MAP4K5: variants seen among roughly 807,000 people sequenced by gnomAD.
MAP4K5 encodes mitogen-activated protein kinase kinase kinase kinase 5, also known as MAPK/ERK kinase kinase kinase 5.
In MAP4K5, 82 loss-of-function variants were observed where a neutral mutation model predicts 135.6. The observed-to-expected ratio is 0.60, with a 90% CI of 0.51 to 0.73. The LOEUF is 0.73. MAP4K5 is among the 30% of genes least tolerant of loss of function. The pLI, the probability that MAP4K5 is intolerant of heterozygous loss-of-function variation, is 0.00. For missense variants in MAP4K5, 907 were observed against 1,010.9 expected (o/e 0.90, Z 1.39); for synonymous variants, 347 against 335.0 (o/e 1.04, Z -0.39).
chr14:50,470,759 T>G (rs1172738019), intron 9 of MAP4K5, among the ~76,000 whole-genome samples: 4 of 152,060 alleles, frequency 2.6e-5, no homozygotes, highest in Admixed American at 6.6e-5. Context: ...CAACATATCA[T>G]GAGCCGTAGC....
chr14:50,434,706 TAAG>T (rs2036051013), intron 27 of MAP4K5, 135 bp from the exon 28 acceptor site: 1 of 819,550 alleles, frequency 1.2e-6, no homozygotes, highest in Non-Finnish European at 1.9e-6. Context: ...TCTAAGATGA[TAAG>T]AAGGATGAAT....
chr14:50,430,324 C>A (rs1475575844), intron 28 of MAP4K5, among the ~76,000 whole-genome samples: 1 of 152,162 alleles, frequency 6.6e-6, no homozygotes, highest in Admixed American at 6.5e-5. Flanking sequence ...AACTTGGTGA[C>A]CACTAATTTT....
chr14:50,421,284 G>C (rs1221867190), intron 32 of MAP4K5, among the ~76,000 whole-genome samples: 1 of 151,722 alleles, frequency 6.6e-6, no homozygotes. Context: ...TTTAGATGGA[G>C]TTTTGCTCTT....
intron 1 of MAP4K5, among the ~76,000 whole-genome samples, chr14:50,546,981 T>TCCCCTAGC (rs2038640962): frequency 6.6e-6 from 1 of 151,978 alleles, no homozygotes; most frequent in Admixed American, 6.6e-5. Flanking sequence ...ATGCTATCCC[T>TCCCCTAGC]CCCCTAGCCC....
intron 6 of MAP4K5, among the ~76,000 whole-genome samples, chr14:50,480,651 C>T (rs1314283508): frequency 2.6e-5 from 4 of 152,084 alleles, no homozygotes; most frequent in African/African-American, 9.7e-5. Context: ...TAAACTCATG[C>T]TCACATAACA....
chr14:50,449,559 C>T (rs1238175089), intron 14 of MAP4K5: 13 of 152,132 alleles, frequency 8.5e-5, no homozygotes, highest in East Asian at 7.7e-4. Context: ...TTTTAAAAAG[C>T]GCTTTCAAAT....
intron 1 of MAP4K5, among the ~76,000 whole-genome samples, chr14:50,547,769 AGTGTCC>A (rs2038652423): frequency 6.6e-6 from 1 of 152,208 alleles, no homozygotes; most frequent in Admixed American, 6.5e-5. Context: ...TAAGCTGGGA[AGTGTCC>A]GTGCTATGAT....
intron 11 of MAP4K5, among the ~76,000 whole-genome samples, chr14:50,465,819 T>G (rs1304106396): frequency 6.6e-6 from 1 of 152,202 alleles, no homozygotes; most frequent in African/African-American, 2.4e-5. Flanking sequence ...GGCTCATGCC[T>G]GTAATCTCAG....
chr14:50,449,151 T>A (rs1180667599), intron 14 of MAP4K5: 1 of 230,120 alleles, frequency 4.3e-6, no homozygotes, highest in Non-Finnish European at 8.4e-6. Flanking sequence ...ATTTTCTCTA[T>A]GCTGTAGACT....
At position 50,464,111 on chromosome 14, in the gene MAP4K5, C is replaced by T. The variant is rs752601440; in HGVS notation, c.760G>A (p.Val254Ile). 2 of 1,532,964 alleles carry T rather than the reference C, an allele frequency of 1.3e-6. No homozygotes were observed. The highest frequency in any genetic ancestry group is 1.8e-6 in the Non-Finnish European group (2 of 1,130,386). 95.0% of individuals were successfully genotyped at this position (1,532,964 alleles called of 1,614,324 possible). A position where few individuals can be genotyped will look rare whatever the true frequency, so the allele number is the denominator to read the frequency against. ...TKWSSTFHNF[V>I]KIALTKNPKK... is the part of the protein sequence containing the mutation. ...GGGTTTTTGGTTAGTGCTATTTTGA[C>T]AAAATTATGGAATGTTGATGACCTT... The change falls in exon 12 of 33, where the codon GTC becomes ATC. Residue 254 changes from valine to isoleucine, a missense_variant. Around this residue, in one of 3 missense-constraint regions of MAP4K5, gnomAD observed 690 missense variants for 777.4 expected, o/e 0.89. Transcript: ENST00000682126.
At chr14:50,448,612 A>G (rs1011993889) in intron 15 of MAP4K5, among the ~76,000 whole-genome samples, 162 bp downstream of exon 15, 4 of 152,144 alleles carry the variant, frequency 2.6e-5, no homozygotes, top group Middle Eastern at 3.2e-3. Flanking sequence ...TAGTAAAAAT[A>G]AAACTAACTA....
rs576566121 is a variant in MAP4K5, at chr14:50,547,076, A to T, written c.-179-4492T>A. ...CACATGGACACAGGGGGAGGGGGGAACTTTAAGGTTTTTACTTAGGTGAAC... is the reference window on the plus strand; with the variant it reads ...CACATGGACACAGGGGGAGGGGGGATCTTTAAGGTTTTTACTTAGGTGAAC... On this transcript the variant is annotated intron_variant, in intron 1 of 8. Transcript: ENST00000555216. Among the ~76,000 whole-genome samples the T allele has an allele frequency of 2.0e-5, 3 of 152,238 alleles. No individual in the cohort carries two copies. In the South Asian group the frequency reaches 6.2e-4, roughly 32 times the overall value.
intron 21 of MAP4K5, among the ~76,000 whole-genome samples, chr14:50,441,322 A>G (rs1288285079): frequency 6.6e-6 from 1 of 152,158 alleles, no homozygotes; most frequent in Non-Finnish European, 1.5e-5. Context: ...ACACTGCTTT[A>G]ACCAACAGAT....
Position 50,419,837 on chromosome 14 carries a change from A to C in MAP4K5, c.*182T>G. On this transcript the variant is annotated 3_prime_UTR_variant, in exon 33 of 33. Coordinates refer to ENST00000682126, the MANE Select transcript of MAP4K5 (RefSeq NM_006575.6). Reference sequence around the variant, plus strand: ...TTGATATAACCACCACACAGTGGCAAGAGATAGACTAGCTGTTTCCAGCTG... The same window carrying C: ...TTGATATAACCACCACACAGTGGCACGAGATAGACTAGCTGTTTCCAGCTG... 13 of 547,974 alleles carry C rather than the reference A, an allele frequency of 2.4e-5. No homozygotes were observed. The highest frequency in any genetic ancestry group is 8.6e-5 in the East Asian group (3 of 34,786). 33.9% of individuals were successfully genotyped at this position (547,974 alleles called of 1,614,324 possible).
Position 50,468,712 on chromosome 14 carries a change from C to A in MAP4K5, c.613G>T (p.Gly205Ter), listed in dbSNP as rs1215669896. 6.2e-7 allele frequency: 1 copy of A among 1,613,142 alleles called. No individual in the cohort carries two copies. The highest frequency in any genetic ancestry group is 2.2e-5 in the East Asian group (1 of 44,848). The change falls in exon 10 of 33, where the codon GGA (glycine) becomes TGA (stop). Residue 205 changes from glycine (G) to a stop codon, truncating the protein, a stop_gained. Transcript: ENST00000682126. LOFTEE classifies it high-confidence loss of function. ...TCTCCAAGTTCAATTGCTGTTATTC[C>A]TACTGCCCAGATATCACAGAGTTGG... ...YNQLCDIWAV[G>*]ITAIELGELQ...
rs1340947906 is a variant in MAP4K5 at position 50,442,647 on chromosome 14, T to C, written c.1564+85A>G. ...GGTCTCTAAAGTCGTATTTTTAAAA[T>C]AAACAACTTCAAGTCACTGATCATA... On this transcript the variant is annotated intron_variant, in intron 21 of 32. Transcript: ENST00000682126. 6 of 966,476 alleles carry C rather than the reference T, an allele frequency of 6.2e-6. No homozygotes were observed. In the African/African-American group the frequency reaches 8.4e-5, roughly 14 times the overall value. 59.9% of individuals were successfully genotyped at this position (966,476 alleles called of 1,614,324 possible). A position where few individuals can be genotyped will look rare whatever the true frequency, so the allele number is the denominator to read the frequency against.
chr14:50,510,349 G>A (rs1028737053), intron 2 of MAP4K5, among the ~76,000 whole-genome samples: 3 of 152,008 alleles, frequency 2.0e-5, no homozygotes, highest in African/African-American at 4.8e-5. Context: ...CTCCCTCCCC[G>A]TTTGGCCTGG....
At chr14:50,549,469 A>G (rs1407524989) in intron 1 of MAP4K5, among the ~76,000 whole-genome samples, 4 of 152,190 alleles carry the variant, frequency 2.6e-5, no homozygotes, top group African/African-American at 9.7e-5. Context: ...TGACAAGTCA[A>G]TTGTATTGGT....
intron 6 of MAP4K5, among the ~76,000 whole-genome samples, chr14:50,479,795 A>G (rs2037196439): frequency 6.6e-6 from 1 of 152,118 alleles, no homozygotes; most frequent in South Asian, 2.1e-4. Context: ...AAATACTCCA[A>G]TACTCTGAAG....
Sources: gnomAD v4.1 joint callset for allele counts (sites outside exome capture counted in the v4.1 genomes callset) on GRCh38, gnomAD v4.1.1 for gene constraint, gnomAD v4.1.1 regional missense constraint, MANE v1.5 for transcripts, NCBI Gene and HGNC (gene_info 2026-07-23, HGNC 2026-07-21) for gene names.